The following C10orf90 variants were observed in gnomAD, a reference collection of about 807,000 sequenced individuals.
C10orf90 encodes chromosome 10 open reading frame 90, also known as (E2-independent) E3 ubiquitin-conjugating enzyme FATS.
In C10orf90, 56 loss-of-function variants were observed where a neutral mutation model predicts 62.5. The ratio of observed to expected loss-of-function variants is 0.90; its 90% confidence interval spans 0.72 to 1.12. The LOEUF is 1.12. Among genes scored for constraint, C10orf90 ranks in the 50% most tolerant of loss-of-function variants. The pLI is 0.00. For synonymous variants in C10orf90, 386 were observed against 340.4 expected (o/e 1.13, Z -1.47); for missense variants, 970 against 880.4 (o/e 1.10, Z -1.29).
At chr10:126,627,580 G>A (rs1845771638) in intron 2 of C10orf90, among the ~76,000 whole-genome samples, 1 of 152,084 alleles carries the variant, frequency 6.6e-6, no homozygotes, top group Non-Finnish European at 1.5e-5. Flanking sequence ...AAGAGGTGAA[G>A]CATGGGTGAA....
Position 126,504,264 on chromosome 10 carries a change from T to C in C10orf90, c.1227A>G (p.Arg409=). ...TADGVDGLVN[R]EPISEALKQE... is the part of the protein sequence containing the mutation. ...GCTTCAGGGCTTCGCTTATTGGCTC[T>C]CTGTTCACTAGGCCATCTACTCCAT... The change falls in exon 4 of 10, where the codon AGA becomes AGG. Residue 409 remains arginine (R), a synonymous_variant. Transcript: ENST00000488181. The surrounding 1 kb of genome is among the most constrained non-coding windows in gnomAD (Gnocchi z 4.1). 6.2e-7 allele frequency: 1 copy of C among 1,614,218 alleles called. No homozygotes were observed. The highest frequency in any genetic ancestry group is 8.5e-7 in the Non-Finnish European group (1 of 1,180,046).
chr10:126,439,989 G>T (rs1291539955), intron 7 of C10orf90, among the ~76,000 whole-genome samples: 1 of 152,168 alleles, frequency 6.6e-6, no homozygotes, highest in Non-Finnish European at 1.5e-5. Flanking sequence ...CAGGGAAAAT[G>T]CCACAGGGAG....
chr10:126,522,528 A>T (rs1444204866), intron 2 of C10orf90, among the ~76,000 whole-genome samples: 1 of 152,192 alleles, frequency 6.6e-6, no homozygotes, highest in African/African-American at 2.4e-5. Context: ...GGATAATCTC[A>T]AGCCCCTTGC....
intron 2 of C10orf90, among the ~76,000 whole-genome samples, chr10:126,604,388 T>G (rs577149916): frequency 1.3e-5 from 2 of 152,370 alleles, no homozygotes; most frequent in Admixed American, 1.3e-4. Context: ...ATTCCTCATT[T>G]TCTTTCTCAG....
intron 2 of C10orf90, among the ~76,000 whole-genome samples, chr10:126,596,388 A>C (rs930160601): frequency 2.6e-5 from 4 of 151,774 alleles, no homozygotes; most frequent in Non-Finnish European, 5.9e-5. Flanking sequence ...AAAAAAAAAA[A>C]CAACAACAAA....
intron 1 of C10orf90, among the ~76,000 whole-genome samples, chr10:126,649,924 T>C (rs1364002566): frequency 1.4e-5 from 2 of 143,948 alleles, no homozygotes; most frequent in African/African-American, 2.6e-5. Context: ...GGAGAAAAGA[T>C]GGAAGGAAGG....
At chr10:126,587,514 T>C (rs1844896908) in intron 2 of C10orf90, among the ~76,000 whole-genome samples, 1 of 152,178 alleles carries the variant, frequency 6.6e-6, no homozygotes, top group Non-Finnish European at 1.5e-5. Context: ...TTCATAAGGA[T>C]ACTAATCTCA....
At chr10:126,434,588 A>G (rs1284933577) in intron 7 of C10orf90, among the ~76,000 whole-genome samples, 1 of 152,230 alleles carries the variant, frequency 6.6e-6, no homozygotes, top group Non-Finnish European at 1.5e-5. Flanking sequence ...CCCGTTGGAG[A>G]GAATTCAGCA....
intron 2 of C10orf90, among the ~76,000 whole-genome samples, chr10:126,607,502 A>T (rs1333501419): frequency 6.6e-6 from 1 of 152,210 alleles, no homozygotes; most frequent in Non-Finnish European, 1.5e-5. Context: ...AACAACTGAT[A>T]ATATGGGTTA....
Position 126,505,011 on chromosome 10 carries a change from T to A in C10orf90, c.480A>T (p.Ser160=), listed in dbSNP as rs754170517. The change falls in exon 4 of 10, where the codon TCA becomes TCT. Residue 160 remains serine (S), a synonymous_variant. Transcript: ENST00000488181. ...GGGGCAAGGAGGCCCTGTTTTCTCT[T>A]GACTTATTCTCATCAATCATCTGGG... is the stretch of plus-strand genomic sequence containing the variant. ...VISQMIDENK[S]RENRASLPLP... 6.2e-7 allele frequency: 1 copy of A among 1,614,222 alleles called. No homozygotes were observed. Among genetic ancestry groups the A allele is most frequent in the Non-Finnish European group, 8.5e-7 (1 of 1,180,028 alleles).
chr10:126,521,467 C>G, intron 2 of C10orf90: 2 of 1,478,828 alleles, frequency 1.4e-6, no homozygotes, highest in Non-Finnish European at 1.8e-6. Context: ...CTTCCAGCCT[C>G]GGCCAAAGAA....
rs1844938320 is a variant in C10orf90, at chr10:126,589,486, C to T, written c.313+57079G>A. ...GCCAGGTCACCTACAAAGGGAAGCC[C>T]ATCAGACTAACAGCAGATCTCTCAG... On this transcript the variant is annotated intron_variant, in intron 2 of 9. Transcript: ENST00000488181. 1.3e-5 allele frequency among the ~76,000 whole-genome samples: 2 copies of T among 152,164 alleles called. 1 individual carries two copies. The highest frequency in any genetic ancestry group is 4.2e-4 in the South Asian group (2 of 4,816).
At chr10:126,583,251 G>A (rs1490206578) in intron 2 of C10orf90, among the ~76,000 whole-genome samples, 1 of 152,194 alleles carries the variant, frequency 6.6e-6, no homozygotes, top group African/African-American at 2.4e-5. Flanking sequence ...CATATGTGCT[G>A]TAGCTTAAGA....
At chr10:126,599,513 T>C (rs1291999529) in intron 2 of C10orf90, among the ~76,000 whole-genome samples, 1 of 151,770 alleles carries the variant, frequency 6.6e-6, no homozygotes, top group Admixed American at 6.6e-5. Context: ...CCAGGAGCCA[T>C]TCAATTGATG....
chr10:126,524,464 G>A (rs1034372281), intron 2 of C10orf90: 6 of 239,624 alleles, frequency 2.5e-5, no homozygotes, highest in South Asian at 1.5e-4. Context: ...CCTGGGTAGC[G>A]GGGACAGGAA....
intron 2 of C10orf90, among the ~76,000 whole-genome samples, chr10:126,582,657 G>A (rs1188777300): frequency 6.6e-6 from 1 of 151,978 alleles, no homozygotes; most frequent in Non-Finnish European, 1.5e-5. Context: ...GAAAATGGAT[G>A]AGGAGATATG....
intron 4 of C10orf90, among the ~76,000 whole-genome samples, chr10:126,473,939 A>G (rs1860725338): frequency 6.6e-6 from 1 of 152,100 alleles, no homozygotes; most frequent in Non-Finnish European, 1.5e-5. Context: ...TGAGACCCAC[A>G]CGGTTAGGTT....
intron 2 of C10orf90, among the ~76,000 whole-genome samples, chr10:126,579,181 A>G (rs1042077332): frequency 1.3e-5 from 2 of 152,100 alleles, no homozygotes; most frequent in African/African-American, 4.8e-5. Flanking sequence ...AGGGGCCACC[A>G]GGTCAGCCTT....
chr10:126,582,702 C>T lies in C10orf90; in HGVS notation c.313+63863G>A, dbSNP rs182131410. 4.6e-5 allele frequency among the ~76,000 whole-genome samples: 7 copies of T among 152,216 alleles called. No individual in the cohort carries two copies. In the East Asian group the frequency reaches 1.3e-3, roughly 29 times the overall value. On this transcript the variant is annotated intron_variant, in intron 2 of 9. Transcript: ENST00000488181. ...ATTTGGGTCTCTTTATTTTCCTCTCCTGATTATATGTCTTTTCAGTTTTCT... is the reference window on the plus strand; with the variant it reads ...ATTTGGGTCTCTTTATTTTCCTCTCTTGATTATATGTCTTTTCAGTTTTCT...
Sources: allele counts gnomAD v4.1 joint callset (sites outside exome capture counted in the v4.1 genomes callset), GRCh38; gene constraint gnomAD v4.1.1; non-coding constraint Gnocchi (gnomAD v3.1); transcripts MANE v1.5; gene names NCBI Gene and HGNC (gene_info 2026-07-23, HGNC 2026-07-21).